The following HPCAL1 variants were observed in gnomAD, a reference collection of about 807,000 sequenced individuals.
HPCAL1 encodes the protein hippocalcin like 1.
A neutral mutation model predicts 17.1 loss-of-function variants in HPCAL1; 8 were observed. The ratio of observed to expected loss-of-function variants is 0.47; its 90% CI spans 0.27 to 0.84. The LOEUF (loss-of-function observed/expected upper bound fraction) is 0.84. Ranked by LOEUF, HPCAL1 falls within the 40% of genes least tolerant of loss-of-function variation. The pLI is 0.13. For synonymous variants in HPCAL1, 112 were observed against 111.4 expected (o/e 1.01, Z -0.03); for missense variants, 165 against 271.1 (o/e 0.61, Z 2.75).
chr2:10,312,570 CTCATCA>C (rs1254330558), intron 1 of HPCAL1, among the ~76,000 whole-genome samples: 1 of 144,274 alleles, frequency 6.9e-6, no homozygotes, highest in Admixed American at 6.9e-5. Flanking sequence ...CATCCCCATC[CTCATCA>C]TCATCACCAT....
intron 1 of HPCAL1, among the ~76,000 whole-genome samples, chr2:10,355,103 G>C (rs1034417478): frequency 6.6e-6 from 1 of 152,218 alleles, no homozygotes; most frequent in South Asian, 2.1e-4. Context: ...CTGGGGCTAG[G>C]TGGTGGCAGC....
At chr2:10,422,335 C>T (rs565585276) in intron 3 of HPCAL1, among the ~76,000 whole-genome samples, 2 of 152,236 alleles carry the variant, frequency 1.3e-5, no homozygotes, top group Admixed American at 6.5e-5. Context: ...CCACTCCCCA[C>T]GCATGTCACT....
Position 10,419,680 on chromosome 2 carries a change from C to T in HPCAL1, c.-24-54C>T, listed in dbSNP as rs1027945759. On this transcript the variant is annotated intron_variant, in intron 2 of 4. Coordinates refer to ENST00000307845, the MANE Select transcript of HPCAL1 (RefSeq NM_002149.4). The surrounding 1 kb of genome is among the most constrained non-coding windows in gnomAD (Gnocchi z 5.0). ...TATTTGGTCTCTCCGGCACATGGCT[C>T]AGCCCTGCTCCGTGGCCGTGGGTGG... 5 of 1,526,420 alleles carry T rather than the reference C, an allele frequency of 3.3e-6. No individual in the cohort carries two copies. The African/African-American group carries it at 4.1e-5, about 13-fold the overall frequency. 94.6% of individuals were successfully genotyped at this position (1,526,420 alleles called of 1,614,324 possible). A position where few individuals can be genotyped will look rare whatever the true frequency, so the allele number is the denominator to read the frequency against.
At chr2:10,401,683 G>A (rs1047617415) in intron 2 of HPCAL1, among the ~76,000 whole-genome samples, 4 of 152,094 alleles carry the variant, frequency 2.6e-5, no homozygotes, top group African/African-American at 4.8e-5. Flanking sequence ...TGTTCTAGGC[G>A]CTGTGCTAAT....
rs1314947873 is a variant in HPCAL1, at chr2:10,310,915, C to T, written c.-111+7738C>T. Among the ~76,000 whole-genome samples the T allele has an allele frequency of 6.6e-6, 1 of 152,204 alleles. No homozygotes were observed. The highest frequency in any genetic ancestry group is 1.5e-5 in the Non-Finnish European group (1 of 68,028). The stretch of plus-strand genomic sequence containing the variant: ...GCAGAATTGATGACAGCCCCAACTC[C>T]TCCCTTTCACTCCCATCTTTTCTAT... On this transcript the variant is annotated intron_variant, in intron 1 of 4. Coordinates refer to ENST00000307845, the MANE Select transcript of HPCAL1 (RefSeq NM_002149.4). The surrounding 1 kb of genome is among the most constrained non-coding windows in gnomAD (Gnocchi z 4.5).
chr2:10,399,232 C>CCACCAT (rs1558517429), intron 2 of HPCAL1, among the ~76,000 whole-genome samples: 5 of 72,598 alleles, frequency 6.9e-5, no homozygotes, highest in African/African-American at 2.5e-4. Flanking sequence ...ACCACCACCA[C>CCACCAT]CACCACCATC....
intron 1 of HPCAL1, among the ~76,000 whole-genome samples, chr2:10,332,279 G>A (rs1664433366): frequency 6.6e-6 from 1 of 152,120 alleles, no homozygotes; most frequent in Admixed American, 6.5e-5. Flanking sequence ...TCTGATCTGA[G>A]CATTTACCAT....
intron 1 of HPCAL1, among the ~76,000 whole-genome samples, chr2:10,345,887 G>A (rs1665407583): frequency 6.6e-6 from 1 of 152,104 alleles, no homozygotes; most frequent in African/African-American, 2.4e-5. Context: ...CACCACAAAA[G>A]GGGCAAGGAC....
intron 2 of HPCAL1, among the ~76,000 whole-genome samples, chr2:10,397,133 C>G (rs967509997): frequency 2.6e-5 from 4 of 152,176 alleles, no homozygotes; most frequent in Non-Finnish European, 5.9e-5. Context: ...GAAACAGCCC[C>G]CCAGGCCCCA....
At chr2:10,425,296 T>A (rs3771118) in intron 4 of HPCAL1, 3 of 152,460 alleles carry the variant, frequency 2.0e-5, no homozygotes, top group African/African-American at 7.2e-5. Context: ...TTGGCAGAGG[T>A]TCCTGGGGAC....
At chr2:10,374,761 G>A (rs546634625) in intron 1 of HPCAL1, among the ~76,000 whole-genome samples, 169 of 152,294 alleles carry the variant, frequency 1.1e-3, no homozygotes, top group African/African-American at 3.7e-3. Context: ...TAGAGGAGGC[G>A]CCCTGATCAC....
At chr2:10,425,182 G>C (rs1404838971) in intron 4 of HPCAL1, 1 of 155,736 alleles carries the variant, frequency 6.4e-6, no homozygotes, top group African/African-American at 2.4e-5. Context: ...AAGTGGGGAG[G>C]CTGGGGCCGT....
In HPCAL1 at chr2:10,343,265, C is replaced by G. The variant is rs1445060855; in HGVS notation, c.-111+40088C>G. ...CCTGCCCCGTCCCCATAAAACACAC[C>G]ACATTCAAATTACTTATCTCCTCTT... On this transcript the variant is annotated intron_variant, in intron 1 of 4. Transcript: ENST00000307845. This position sits in a 1 kb window ranked among gnomAD's most constrained non-coding sequence, Gnocchi z 4.8. 6.6e-6 allele frequency among the ~76,000 whole-genome samples: 1 copy of G among 152,192 alleles called. No individual in the cohort carries two copies. Among genetic ancestry groups the G allele is most frequent in the Non-Finnish European group, 1.5e-5 (1 of 68,044 alleles).
chr2:10,412,105 T>C (rs1670397109), intron 2 of HPCAL1, among the ~76,000 whole-genome samples: 1 of 152,198 alleles, frequency 6.6e-6, no homozygotes, highest in South Asian at 2.1e-4. Flanking sequence ...TTTCCTGATG[T>C]GTTGCAGTGG....
intron 1 of HPCAL1, among the ~76,000 whole-genome samples, chr2:10,349,702 C>CAAAAAAAAAAA (rs55897775): frequency 1.5e-4 from 8 of 52,738 alleles, no homozygotes; most frequent in African/African-American, 4.9e-4. Context: ...GACTCTGTCT[C>CAAAAAAAAAAA]AAAAAAAAAA....
chr2:10,408,032 C>G (rs1261063731), intron 2 of HPCAL1, among the ~76,000 whole-genome samples: 1 of 152,220 alleles, frequency 6.6e-6, no homozygotes, highest in Non-Finnish European at 1.5e-5. Flanking sequence ...GCGTGCCACA[C>G]GGGTGAACTC....
chr2:10,329,728 G>A (rs993859710), intron 1 of HPCAL1, among the ~76,000 whole-genome samples: 2 of 152,206 alleles, frequency 1.3e-5, no homozygotes, highest in African/African-American at 4.8e-5. Context: ...CTTCTGACCC[G>A]TGGATCCCAG....
intron 1 of HPCAL1, among the ~76,000 whole-genome samples, chr2:10,324,656 C>G (rs1055170431): frequency 2.0e-5 from 3 of 151,248 alleles, no homozygotes; most frequent in African/African-American, 7.3e-5. Flanking sequence ...CTTACCGGTT[C>G]TAGCAGACCT....
In HPCAL1 at chr2:10,310,438, C is replaced by T. The variant is rs567256145; in HGVS notation, c.-111+7261C>T. ...TGAGGCATGTTTTGATCCAGGCTGT[C>T]GTAGCAAGGGATTTGATGCTGGAGT... On this transcript the variant is annotated intron_variant, in intron 1 of 4. Transcript: ENST00000307845. This position sits in a 1 kb window ranked among gnomAD's most constrained non-coding sequence, Gnocchi z 4.5. Among the ~76,000 whole-genome samples the T allele has an allele frequency of 4.6e-5, 7 of 152,222 alleles. No individual in the cohort carries two copies. In the South Asian group the frequency reaches 6.2e-4, roughly 14 times the overall value.
Sources: gnomAD v4.1 joint callset for allele counts (sites outside exome capture counted in the v4.1 genomes callset) on GRCh38, gnomAD v4.1.1 for gene constraint, Gnocchi (gnomAD v3.1) non-coding constraint, MANE v1.5 for transcripts, NCBI Gene and HGNC (gene_info 2026-07-23, HGNC 2026-07-21) for gene names.